MBD5: variants seen among roughly 807,000 people sequenced by gnomAD.
MBD5 encodes the protein methyl-CpG binding domain protein 5.
In MBD5, 13 loss-of-function variants were observed where a neutral mutation model predicts 117.3. The ratio of observed to expected loss-of-function variants is 0.11; its 90% CI spans 0.07 to 0.18. The LOEUF is 0.18. Among genes scored for constraint, MBD5 ranks in the 10% least tolerant of loss-of-function variants. The probability of loss-of-function intolerance (pLI) is 1.00; values close to 1 mark genes in which losing one functional copy is unlikely to be tolerated. For synonymous variants in MBD5, 727 were observed against 766.4 expected (o/e 0.95, Z 0.85); for missense variants, 1,879 against 2,093.8 (o/e 0.90, Z 2.00).
chr2:148,468,287 A>C, intron 7 of MBD5, 54 bp from the exon 8 acceptor site: 1 of 1,473,266 alleles, frequency 6.8e-7, no homozygotes, highest in Non-Finnish European at 9.4e-7. Flanking sequence ...CCTCCCTCCC[A>C]CCACAAAAGA....
intron 3 of MBD5, among the ~76,000 whole-genome samples, chr2:148,288,399 CAAAA>C (rs569673565): frequency 2.6e-5 from 1 of 37,790 alleles, no homozygotes; most frequent in Non-Finnish European, 5.4e-5. Context: ...GACTCCGTCT[CAAAA>C]AAAAAAAAAA....
intron 4 of MBD5, among the ~76,000 whole-genome samples, chr2:148,368,646 G>A (rs1161349702): frequency 6.6e-6 from 1 of 151,996 alleles, no homozygotes; most frequent in Non-Finnish European, 1.5e-5. Context: ...CAAATGTGGG[G>A]CAATTTGAGC....
chr2:148,174,081 CA>C (rs905740810), intron 1 of MBD5, among the ~76,000 whole-genome samples: 10 of 151,394 alleles, frequency 6.6e-5, no homozygotes, highest in African/African-American at 1.5e-4. Flanking sequence ...GTAGTGCTAG[CA>C]AAAAAAATTA....
chr2:148,218,622 A>G (rs1699612172), intron 2 of MBD5, among the ~76,000 whole-genome samples: 1 of 152,228 alleles, frequency 6.6e-6, no homozygotes, highest in Admixed American at 6.5e-5. Context: ...ACAGAAATCT[A>G]GATGTTATAG....
chr2:148,229,251 G>A (rs1333808694), intron 2 of MBD5, among the ~76,000 whole-genome samples: 1 of 150,966 alleles, frequency 6.6e-6, no homozygotes, highest in Non-Finnish European at 1.5e-5. Flanking sequence ...TCTTTATTCA[G>A]CTTGATCACA....
chr2:148,088,011 A>G (rs966365357), intron 1 of MBD5, among the ~76,000 whole-genome samples: 2 of 151,930 alleles, frequency 1.3e-5, no homozygotes, highest in Admixed American at 1.3e-4. Flanking sequence ...AATAGATATC[A>G]TAACGAAAAA....
intron 3 of MBD5, among the ~76,000 whole-genome samples, chr2:148,327,891 C>T (rs1304519750): frequency 5.3e-5 from 8 of 152,184 alleles, no homozygotes; most frequent in Admixed American, 2.0e-4. Flanking sequence ...TGAGGAACTG[C>T]GTTCCTTTGG....
At chr2:148,109,146 G>A (rs1490108166) in intron 1 of MBD5, among the ~76,000 whole-genome samples, 1 of 152,138 alleles carries the variant, frequency 6.6e-6, no homozygotes, top group Non-Finnish European at 1.5e-5. Flanking sequence ...TTGGCCAGGT[G>A]TGGTGACTCA....
chr2:148,371,189 C>T (rs1703842315), intron 4 of MBD5, among the ~76,000 whole-genome samples: 1 of 152,014 alleles, frequency 6.6e-6, no homozygotes. Flanking sequence ...TTAAAATGTA[C>T]TGAATAAAAC....
rs1354128533 is a variant in MBD5 at position 148,436,014 on chromosome 2, C to A, written c.-556-22189C>A. ...AAGGCAAATTCAGTGAAAAGTTATTCTACATCTGACAGATGTTATCAGAAA... is the reference window on the plus strand; with the variant it reads ...AAGGCAAATTCAGTGAAAAGTTATTATACATCTGACAGATGTTATCAGAAA... On this transcript the variant is annotated intron_variant, in intron 4 of 13. Coordinates refer to ENST00000642680, the MANE Select transcript of MBD5 (RefSeq NM_001378120.1). Among the ~76,000 whole-genome samples the A allele has an allele frequency of 1.3e-5, 2 of 152,172 alleles. 1 individual carries two copies. Among genetic ancestry groups the A allele is most frequent in the Admixed American group, 1.3e-4 (2 of 15,260 alleles).
chr2:148,073,356 T>A (rs1391249916), intron 1 of MBD5, among the ~76,000 whole-genome samples: 4 of 152,042 alleles, frequency 2.6e-5, no homozygotes, highest in Non-Finnish European at 5.9e-5. Flanking sequence ...AGTTATGCGG[T>A]GGGGATATTA....
intron 6 of MBD5, 86 bp from the exon 7 acceptor site, chr2:148,463,653 A>G (rs1431849966): frequency 6.6e-5 from 99 of 1,493,626 alleles, no homozygotes; most frequent in Non-Finnish European, 2.3e-5. Context: ...GGCTTAATCT[A>G]TGCACAACTT....
intron 3 of MBD5, among the ~76,000 whole-genome samples, chr2:148,326,284 G>C (rs1367367816): frequency 6.6e-6 from 1 of 152,098 alleles, no homozygotes; most frequent in African/African-American, 2.4e-5. Context: ...AATAGGTGTG[G>C]TGTGGTGCTG....
At chr2:148,335,813 A>G (rs1244407183) in intron 3 of MBD5, among the ~76,000 whole-genome samples, 1 of 152,220 alleles carries the variant, frequency 6.6e-6, no homozygotes, top group Non-Finnish European at 1.5e-5. Flanking sequence ...TTTGCTTTGT[A>G]TATTTTATTG....
At chr2:148,388,678 G>A (rs1052199513) in intron 4 of MBD5, among the ~76,000 whole-genome samples, 19 of 152,086 alleles carry the variant, frequency 1.2e-4, no homozygotes, top group African/African-American at 3.6e-4. Flanking sequence ...CTGAGGCCTC[G>A]CTCCTTGGCT....
chr2:148,024,111 G>A (rs1458325528), intron 1 of MBD5, among the ~76,000 whole-genome samples: 3 of 152,014 alleles, frequency 2.0e-5, no homozygotes, highest in Non-Finnish European at 2.9e-5. Flanking sequence ...AAACTATTAT[G>A]TACAGTTCTG....
At chr2:148,171,095 A>G (rs970683183) in intron 1 of MBD5, among the ~76,000 whole-genome samples, 2 of 152,218 alleles carry the variant, frequency 1.3e-5, no homozygotes, top group Non-Finnish European at 2.9e-5. Flanking sequence ...AACTCTTCCA[A>G]AAAATCAAAG....
At chr2:148,077,605 A>G (rs1695539308) in intron 1 of MBD5, among the ~76,000 whole-genome samples, 1 of 152,164 alleles carries the variant, frequency 6.6e-6, no homozygotes, top group Non-Finnish European at 1.5e-5. Context: ...TGTAAAAACA[A>G]TATATAGTGT....
chr2:148,062,599 T>G (rs180752923), intron 1 of MBD5: 25 of 152,192 alleles, frequency 1.6e-4, no homozygotes, highest in Admixed American at 1.5e-3. Flanking sequence ...ATATGTGTGA[T>G]TACTGTTACA....
Sources: allele counts gnomAD v4.1 joint callset (sites outside exome capture counted in the v4.1 genomes callset), GRCh38; gene constraint gnomAD v4.1.1; transcripts MANE v1.5; gene names NCBI Gene and HGNC (gene_info 2026-07-23, HGNC 2026-07-21).